KHDRBS3: variants seen among roughly 807,000 people sequenced by gnomAD.
KHDRBS3 encodes KH RNA binding domain containing, signal transduction associated 3.
In KHDRBS3, 23 loss-of-function variants were observed where a neutral mutation model predicts 45.6. That is an observed-to-expected ratio of 0.50 (90% confidence interval 0.36 to 0.72). The LOEUF (loss-of-function observed/expected upper bound fraction) is 0.72. Among genes scored for constraint, KHDRBS3 ranks in the 30% least tolerant of loss-of-function variants. The pLI is 0.00. For synonymous variants in KHDRBS3, 162 were observed against 156.5 expected (o/e 1.04, Z -0.26); for missense variants, 352 against 424.8 (o/e 0.83, Z 1.51).
chr8:135,643,477 G>A (rs1254820518), intron 7 of KHDRBS3, among the ~76,000 whole-genome samples: 2 of 152,210 alleles, frequency 1.3e-5, no homozygotes, highest in African/African-American at 2.4e-5. Flanking sequence ...TGGCATTTAG[G>A]TTAAGGGCTT....
downstream of KHDRBS3, among the ~76,000 whole-genome samples, chr8:135,650,208 G>T (rs907505392): frequency 6.6e-6 from 1 of 152,070 alleles, no homozygotes; most frequent in Non-Finnish European, 1.5e-5. Context: ...TTCAAATACC[G>T]CAAAACCGAA....
chr8:135,538,058 A>C (rs1223786453), intron 2 of KHDRBS3, among the ~76,000 whole-genome samples: 1 of 152,192 alleles, frequency 6.6e-6, no homozygotes, highest in African/African-American at 2.4e-5. Context: ...ATATCTCAGA[A>C]GTCAGGCAGA....
chr8:135,590,056 G>C (rs1828676559), intron 6 of KHDRBS3, among the ~76,000 whole-genome samples: 1 of 152,102 alleles, frequency 6.6e-6, no homozygotes, highest in Non-Finnish European at 1.5e-5. Flanking sequence ...GCATCATTAG[G>C]CGATTTCATC....
intron 1 of KHDRBS3, among the ~76,000 whole-genome samples, chr8:135,491,186 G>GT (rs1301819464): frequency 6.6e-6 from 1 of 152,124 alleles, no homozygotes; most frequent in Non-Finnish European, 1.5e-5. Flanking sequence ...TTGGAGTTGG[G>GT]TTTTTTTGTA....
chr8:135,563,665 C>A (rs899938688), intron 5 of KHDRBS3, among the ~76,000 whole-genome samples: 6 of 152,206 alleles, frequency 3.9e-5, no homozygotes, highest in African/African-American at 1.4e-4. Context: ...TAGCCTCTTT[C>A]TGATCAAGTG....
chr8:135,559,639 G>A (rs1827073736), intron 5 of KHDRBS3, among the ~76,000 whole-genome samples: 1 of 152,166 alleles, frequency 6.6e-6, no homozygotes, highest in East Asian at 1.9e-4. Flanking sequence ...GGGATTACAG[G>A]CGTGAGCCAC....
intron 1 of KHDRBS3, chr8:135,458,688 G>T (rs918956812): frequency 2.2e-5 from 8 of 364,016 alleles, no homozygotes; most frequent in African/African-American, 1.5e-4. Context: ...TCCGGAGGGC[G>T]TTGGGTTGGG....
downstream of KHDRBS3, chr8:135,648,249 C>T (rs2131214212): frequency 6.6e-6 from 1 of 152,224 alleles, no homozygotes; most frequent in East Asian, 1.9e-4. Flanking sequence ...CCTAAATTCT[C>T]ATTTTAAAAA....
At chr8:135,643,058 G>A (rs1831132211) in intron 7 of KHDRBS3, among the ~76,000 whole-genome samples, 1 of 152,130 alleles carries the variant, frequency 6.6e-6, no homozygotes, top group Admixed American at 6.5e-5. Flanking sequence ...CTCCCAAAGT[G>A]CTGAGATTAC....
chr8:135,595,052 A>T (rs183716846), intron 6 of KHDRBS3, among the ~76,000 whole-genome samples: 1 of 152,238 alleles, frequency 6.6e-6, no homozygotes, highest in African/African-American at 2.4e-5. Context: ...GTTGCTACAC[A>T]CAGCATTGAT....
chr8:135,469,520 TTGG>T (rs1179619062), intron 1 of KHDRBS3, among the ~76,000 whole-genome samples: 1 of 18,358 alleles, frequency 5.4e-5, no homozygotes, highest in African/African-American at 1.7e-4. Flanking sequence ...TTTTTTTGTT[TTGG>T]TTTTTTTTTT....
intron 1 of KHDRBS3, 114 bp downstream of exon 1, chr8:135,458,068 A>G: frequency 1.4e-6 from 2 of 1,397,204 alleles, no homozygotes; most frequent in South Asian, 1.5e-5. Flanking sequence ...GCGGAGACGG[A>G]GGCCCGGGTG....
At chr8:135,604,567 T>C (rs1829370144) in intron 6 of KHDRBS3, among the ~76,000 whole-genome samples, 1 of 151,996 alleles carries the variant, frequency 6.6e-6, no homozygotes, top group African/African-American at 2.4e-5. Context: ...TTTCTACATT[T>C]TTATTTTTAA....
intron 1 of KHDRBS3, among the ~76,000 whole-genome samples, chr8:135,494,813 G>A (rs1823351114): frequency 6.6e-6 from 1 of 152,330 alleles, no homozygotes; most frequent in Admixed American, 6.5e-5. Flanking sequence ...TCTCACCCAG[G>A]TGACCTATGG....
At chr8:135,494,820 A>G (rs1823351410) in intron 1 of KHDRBS3, among the ~76,000 whole-genome samples, 1 of 152,138 alleles carries the variant, frequency 6.6e-6, no homozygotes, top group Non-Finnish European at 1.5e-5. Flanking sequence ...CAGGTGACCT[A>G]TGGCTTTGGT....
chr8:135,649,537 A>C (rs1831385824), downstream of KHDRBS3, among the ~76,000 whole-genome samples: 1 of 152,154 alleles, frequency 6.6e-6, no homozygotes, highest in Non-Finnish European at 1.5e-5. Flanking sequence ...GAAAGAAAAT[A>C]ATTCTCATCA....
chr8:135,497,207 G>A (rs145646088), intron 1 of KHDRBS3, among the ~76,000 whole-genome samples: 7 of 152,308 alleles, frequency 4.6e-5, no homozygotes, highest in Non-Finnish European at 7.4e-5. Flanking sequence ...CATTGGTATC[G>A]TCCAGTTTGA....
rs1369561422 is a variant in KHDRBS3, at chr8:135,647,268, A to T, written c.*184A>T. 2.6e-6 allele frequency: 1 copy of T among 390,326 alleles called. No homozygotes were observed. Among genetic ancestry groups the T allele is most frequent in the Non-Finnish European group, 4.5e-6 (1 of 220,624 alleles). The allele number at this position is 390,326 out of a possible 1,614,324, so 24.2% of individuals were successfully genotyped here. ...CAGAAAAAAAAAAAAAAAGACATGT[A>T]AAATTTTGTTATTTCCAGTCTGTAT... On this transcript the variant is annotated 3_prime_UTR_variant, in exon 9 of 9. Coordinates refer to ENST00000355849, the MANE Select transcript of KHDRBS3 (RefSeq NM_006558.3).
Position 135,645,161 on chromosome 8 carries a change from G to C in KHDRBS3, c.949+44G>C. Reference sequence around the variant, plus strand: ...CATGTGAAGAGAGGGAGGAGAGATGGCCGTAGAAAGACCTTAAAGATATTA... The same window carrying C: ...CATGTGAAGAGAGGGAGGAGAGATGCCCGTAGAAAGACCTTAAAGATATTA... On this transcript the variant is annotated intron_variant, in intron 8 of 8. Coordinates refer to ENST00000355849, the MANE Select transcript of KHDRBS3 (RefSeq NM_006558.3). The C allele has an allele frequency of 1.9e-6, 3 of 1,588,446 alleles. No individual in the cohort carries two copies. In the East Asian group the frequency reaches 6.7e-5, roughly 36 times the overall value.
Sources: gnomAD v4.1 joint callset for allele counts (sites outside exome capture counted in the v4.1 genomes callset) on GRCh38, gnomAD v4.1.1 for gene constraint, MANE v1.5 for transcripts, NCBI Gene and HGNC (gene_info 2026-07-23, HGNC 2026-07-21) for gene names.